CMIP: variants seen among roughly 807,000 people sequenced by gnomAD.
CMIP encodes the protein C-Maf-inducing protein.
A neutral mutation model predicts 97.3 loss-of-function variants in CMIP; 13 were observed. That is an observed-to-expected ratio of 0.13 (90% confidence interval 0.09 to 0.21). The LOEUF (loss-of-function observed/expected upper bound fraction) is 0.21, where lower values mean the gene tolerates loss of function less well. Ranked by LOEUF, CMIP falls within the 10% of genes least tolerant of loss-of-function variation. CMIP has a pLI of 1.00. For missense variants in CMIP, 847 were observed against 1,024.9 expected (o/e 0.83, Z 2.37); for synonymous variants, 538 against 436.3 (o/e 1.23, Z -2.91).
Position 81,621,240 on chromosome 16 carries a change from G to T in CMIP, c.477+314G>T, listed in dbSNP as rs147579491. Reference sequence around the variant, plus strand: ...ACCCTGAGGGGAGTCCAGCCGGGGAGGCTGGACTTCAGGGGCTCAAGATGC... The same window carrying T: ...ACCCTGAGGGGAGTCCAGCCGGGGATGCTGGACTTCAGGGGCTCAAGATGC... On this transcript the variant is annotated intron_variant, in intron 3 of 20. Coordinates refer to ENST00000537098, the MANE Select transcript of CMIP (RefSeq NM_198390.3). The surrounding 1 kb of genome is among the most constrained non-coding windows in gnomAD (Gnocchi z 4.1). 42 of 230,832 alleles carry T rather than the reference G, an allele frequency of 1.8e-4. No homozygotes were observed. In the East Asian group the frequency reaches 3.9e-3, roughly 21 times the overall value. 14.3% of individuals were successfully genotyped at this position (230,832 alleles called of 1,614,324 possible).
intron 1 of CMIP, among the ~76,000 whole-genome samples, chr16:81,521,145 C>A (rs909684202): frequency 3.3e-5 from 5 of 152,202 alleles, no homozygotes; most frequent in African/African-American, 4.8e-5. Flanking sequence ...ATGGATTGTT[C>A]TGGAAGGCTT....
intron 1 of CMIP, among the ~76,000 whole-genome samples, chr16:81,557,347 C>G (rs760613236): frequency 7.7e-6 from 1 of 130,076 alleles, no homozygotes; most frequent in Non-Finnish European, 1.8e-5. Flanking sequence ...GTTGAATTTA[C>G]TGATGTTGGT....
rs573143971 is a variant in CMIP at position 81,507,079 on chromosome 16, C to A, written c.300+61538C>A. ...CATCCTGGCTAACATGGTGAAACCT[C>A]ATCTGTACTAAAAAAAATACAAAAA... On this transcript the variant is annotated intron_variant, in intron 1 of 20. Transcript: ENST00000537098. Among the ~76,000 whole-genome samples the A allele has an allele frequency of 2.6e-5, 4 of 152,036 alleles. No individual in the cohort carries two copies. The South Asian group carries it at 8.3e-4, about 32-fold the overall frequency.
rs1302042300 is a variant in CMIP, at chr16:81,655,517, A to G, written c.640-2258A>G. ...TCTAATGCAGTGGCTATTGGTGGAC[A>G]TGCTCTACCAGGGGTGGAAAATGGC... is the stretch of plus-strand genomic sequence containing the variant. On this transcript the variant is annotated intron_variant, in intron 4 of 20. Transcript: ENST00000537098. The surrounding 1 kb of genome is among the most constrained non-coding windows in gnomAD (Gnocchi z 4.9). Among the ~76,000 whole-genome samples the G allele has an allele frequency of 2.6e-5, 4 of 152,196 alleles. No homozygotes were observed. The highest frequency in any genetic ancestry group is 9.7e-5 in the African/African-American group (4 of 41,446).
chr16:81,544,879 A>G lies in CMIP; in HGVS notation c.301-62688A>G, dbSNP rs533312434. Among the ~76,000 whole-genome samples the G allele has an allele frequency of 2.2e-4, 34 of 152,170 alleles. No individual in the cohort carries two copies. In the South Asian group the frequency reaches 2.5e-3, roughly 11 times the overall value. On this transcript the variant is annotated intron_variant, in intron 1 of 20. Transcript: ENST00000537098. ...CCGGTTTCTGGGGTTGAGTAACTTT[A>G]TGAGTGGTACTTAAAACCCTTCTGT...
In CMIP at chr16:81,627,211, G is replaced by A. The variant is rs1032536631; in HGVS notation, c.477+6285G>A. 8.0e-5 allele frequency among the ~76,000 whole-genome samples: 12 copies of A among 150,908 alleles called. No individual in the cohort carries two copies. Among genetic ancestry groups the A allele is most frequent in the African/African-American group, 2.9e-4 (12 of 40,998 alleles). On this transcript the variant is annotated intron_variant, in intron 3 of 20. Coordinates refer to ENST00000537098, the MANE Select transcript of CMIP (RefSeq NM_198390.3). This position sits in a 1 kb window ranked among gnomAD's most constrained non-coding sequence, Gnocchi z 4.6. The stretch of plus-strand genomic sequence containing the variant: ...TTATGAGTGTGTGTGTGTGGCATGT[G>A]GGATGACTGTTTTATGTGTGTGTGA...
intron 1 of CMIP, among the ~76,000 whole-genome samples, chr16:81,512,301 G>T (rs2927304): frequency 2.0e-5 from 3 of 152,108 alleles, no homozygotes; most frequent in Admixed American, 1.3e-4. Flanking sequence ...GCCTTGGTGG[G>T]GGTCTTTCTT....
intron 1 of CMIP, among the ~76,000 whole-genome samples, chr16:81,555,505 CA>C (rs1042913068): frequency 3.3e-5 from 5 of 152,322 alleles, no homozygotes; most frequent in Admixed American, 1.3e-4. Context: ...TCAGTGTGCA[CA>C]ACAAAAGGGT....
At chr16:81,605,791 T>C (rs750055966) in intron 1 of CMIP, among the ~76,000 whole-genome samples, 4 of 152,266 alleles carry the variant, frequency 2.6e-5, no homozygotes, top group Non-Finnish European at 5.9e-5. Flanking sequence ...GATATTTTGT[T>C]TGTTGTCTGT....
chr16:81,575,567 C>G (rs933073185), intron 1 of CMIP, among the ~76,000 whole-genome samples: 1 of 152,146 alleles, frequency 6.6e-6, no homozygotes, highest in Non-Finnish European at 1.5e-5. Context: ...ACACAAGGGC[C>G]CTGGAGGCTG....
intron 13 of CMIP, among the ~76,000 whole-genome samples, chr16:81,694,331 G>A (rs1033996143): frequency 2.6e-5 from 4 of 152,140 alleles, no homozygotes; most frequent in Non-Finnish European, 5.9e-5. Flanking sequence ...TCGTGCTCCC[G>A]GCAGAACAGG....
chr16:81,467,768 A>G lies in CMIP; in HGVS notation c.300+22227A>G, dbSNP rs564199583. Among the ~76,000 whole-genome samples the G allele has an allele frequency of 3.3e-5, 5 of 151,424 alleles. No homozygotes were observed. In the East Asian group the frequency reaches 7.8e-4, roughly 24 times the overall value. ...GCTACTTTTTAAATTTTTATTAGCA[A>G]TGGGGTTTCGCCATCTTGCCCAGGC... On this transcript the variant is annotated intron_variant, in intron 1 of 20. Coordinates refer to ENST00000537098, the MANE Select transcript of CMIP (RefSeq NM_198390.3).
intron 1 of CMIP, among the ~76,000 whole-genome samples, chr16:81,480,054 C>T (rs548539520): frequency 3.3e-4 from 51 of 152,344 alleles, no homozygotes; most frequent in Admixed American, 7.8e-4. Context: ...ACCCCAGAGA[C>T]GCTGATGGCT....
At chr16:81,663,393 A>G (rs1224363762) in intron 6 of CMIP, among the ~76,000 whole-genome samples, 3 of 152,226 alleles carry the variant, frequency 2.0e-5, no homozygotes, top group Admixed American at 6.5e-5. Flanking sequence ...AAGGCTGCAC[A>G]CTGCACGATT....
chr16:81,630,004 A>G (rs547378832), intron 3 of CMIP, among the ~76,000 whole-genome samples: 3 of 152,260 alleles, frequency 2.0e-5, no homozygotes, highest in Non-Finnish European at 4.4e-5. Context: ...CCTATTACCT[A>G]TTTGCTCCCA....
At chr16:81,590,863 C>A (rs2091456832) in intron 1 of CMIP, among the ~76,000 whole-genome samples, 1 of 148,106 alleles carries the variant, frequency 6.8e-6, no homozygotes. Flanking sequence ...ATCCATCCAT[C>A]CATCCATCAC....
intron 1 of CMIP, among the ~76,000 whole-genome samples, chr16:81,511,018 C>G (rs1282278603): frequency 2.6e-5 from 4 of 152,136 alleles, no homozygotes; most frequent in African/African-American, 9.7e-5. Flanking sequence ...CAGCTGCCAG[C>G]CTAACTTTGG....
Position 81,678,579 on chromosome 16 carries a change from C to A in CMIP, c.1339C>A (p.Pro447Thr). 3 of 1,605,766 alleles carry A rather than the reference C, an allele frequency of 1.9e-6. No homozygotes were observed. Among genetic ancestry groups the A allele is most frequent in the Non-Finnish European group, 2.5e-6 (3 of 1,176,494 alleles). Reference sequence around the variant, plus strand: ...CAGCACCATGAGCATCGAGCTGGGCCCCCAGGCCGACCGCACGCTCGGCTG... The same window carrying A: ...CAGCACCATGAGCATCGAGCTGGGCACCCAGGCCGACCGCACGCTCGGCTG... Reference protein sequence around the residue: ...ACSTMSIELGPQADRTLGCYV... With the variant: ...ACSTMSIELGTQADRTLGCYV... The change falls in exon 10 of 21, where the codon CCC (proline) becomes ACC (threonine). Residue 447 changes from proline to threonine, a missense_variant. This residue lies in a region of CMIP where 202 missense variants were observed against 168.7 expected (regional missense o/e 1.20). Coordinates refer to ENST00000537098, the MANE Select transcript of CMIP (RefSeq NM_198390.3).
chr16:81,602,265 A>G (rs1402437057), intron 1 of CMIP, among the ~76,000 whole-genome samples: 3 of 152,228 alleles, frequency 2.0e-5, no homozygotes, highest in Admixed American at 1.3e-4. Context: ...AAAAGGCGTT[A>G]CAAAATTCTT....
Sources: allele counts gnomAD v4.1 joint callset (sites outside exome capture counted in the v4.1 genomes callset), GRCh38; gene constraint gnomAD v4.1.1; regional missense constraint gnomAD v4.1.1; non-coding constraint Gnocchi (gnomAD v3.1); transcripts MANE v1.5; gene names NCBI Gene and HGNC (gene_info 2026-07-23, HGNC 2026-07-21).